TMCO4: variants seen among roughly 807,000 people sequenced by gnomAD.
TMCO4 encodes the protein transmembrane and coiled-coil domains 4.
Under a neutral mutation model 64.7 loss-of-function variants are expected in TMCO4, and 58 were observed. That is an observed-to-expected ratio of 0.90 (90% CI 0.73 to 1.12). TMCO4 has a LOEUF of 1.12. Ranked by LOEUF, TMCO4 falls within the 50% of genes most tolerant of loss-of-function variation. The probability of loss-of-function intolerance (pLI) is 0.00; values close to 1 mark genes in which losing one functional copy is unlikely to be tolerated. For missense variants in TMCO4, 780 were observed against 825.9 expected (o/e 0.94, Z 0.68); for synonymous variants, 325 against 346.1 (o/e 0.94, Z 0.68).
At chr1:19,737,579 A>T (rs2095461065) in intron 12 of TMCO4, 123 bp from the exon 13 acceptor site, 1 of 813,264 alleles carries the variant, frequency 1.2e-6, no homozygotes, top group Admixed American at 2.2e-5. Context: ...TGAATCATGC[A>T]TGTGCTGTTC....
chr1:19,745,812 T>G (rs72658511), intron 9 of TMCO4, among the ~76,000 whole-genome samples, 161 bp from the exon 10 acceptor site: 3 of 152,198 alleles, frequency 2.0e-5, no homozygotes, highest in African/African-American at 7.2e-5. Context: ...TAGGTGCCAC[T>G]ATTGTCCCTG....
chr1:19,741,525 G>A (rs1251663859), intron 10 of TMCO4, among the ~76,000 whole-genome samples: 1 of 152,058 alleles, frequency 6.6e-6, no homozygotes, highest in African/African-American at 2.4e-5. Context: ...TTCTCACTGA[G>A]GAAATATATC....
intron 11 of TMCO4, among the ~76,000 whole-genome samples, chr1:19,740,240 AC>A (rs1278088646): frequency 6.6e-6 from 1 of 151,996 alleles, no homozygotes; most frequent in Non-Finnish European, 1.5e-5. Context: ...TGCAGTGGGG[AC>A]CCCTGCCCTG....
At chr1:19,701,643 C>T (rs2095272991) in intron 13 of TMCO4, among the ~76,000 whole-genome samples, 1 of 152,076 alleles carries the variant, frequency 6.6e-6, no homozygotes, top group African/African-American at 2.4e-5. Flanking sequence ...ACTAACGGGC[C>T]CCGCATCATC....
In TMCO4 at chr1:19,740,763, G is replaced by C. The variant is rs774092778; in HGVS notation, c.1042+14C>G. On this transcript the variant is annotated intron_variant, in intron 11 of 15. Transcript: ENST00000294543. ...TGGGCATGCTGTTGTTGGGGGGCAGGTGGGGGCACTTACCAGACAACACTG... is the reference window on the plus strand; with the variant it reads ...TGGGCATGCTGTTGTTGGGGGGCAGCTGGGGGCACTTACCAGACAACACTG... 9 of 1,601,150 alleles carry C rather than the reference G, an allele frequency of 5.6e-6. No homozygotes were observed. In the South Asian group the frequency reaches 1.0e-4, roughly 18 times the overall value.
At chr1:19,746,244 C>G (rs2041775028) in intron 9 of TMCO4, among the ~76,000 whole-genome samples, 2 of 152,184 alleles carry the variant, frequency 1.3e-5, no homozygotes, top group Non-Finnish European at 2.9e-5. Flanking sequence ...GAACTACACA[C>G]AAGGTGCATG....
At chr1:19,798,861 T>G in intron 1 of TMCO4, among the ~76,000 whole-genome samples, 1 of 152,242 alleles carries the variant, frequency 6.6e-6, no homozygotes, top group East Asian at 1.9e-4. Flanking sequence ...GCTCAACAAA[T>G]ATTTGGTGAA....
intron 15 of TMCO4, among the ~76,000 whole-genome samples, chr1:19,688,971 T>C (rs2100537743): frequency 6.6e-6 from 1 of 152,304 alleles, no homozygotes; most frequent in African/African-American, 2.4e-5. Context: ...ACTGTAACCT[T>C]GTCCCTGTGA....
intron 2 of TMCO4, 123 bp from the exon 3 acceptor site, chr1:19,787,240 C>T (rs2043792547): frequency 1.3e-5 from 2 of 152,318 alleles, no homozygotes; most frequent in South Asian, 4.1e-4. Context: ...TGCACCGTCG[C>T]TCCCCTGGGC....
intron 13 of TMCO4, among the ~76,000 whole-genome samples, chr1:19,722,867 G>A (rs551504945): frequency 6.6e-6 from 1 of 152,238 alleles, no homozygotes; most frequent in South Asian, 2.1e-4. Flanking sequence ...GTGATCCTCA[G>A]CCTCTCCTCC....
intron 15 of TMCO4, among the ~76,000 whole-genome samples, chr1:19,685,887 G>T (rs1421685477): frequency 6.6e-6 from 1 of 151,824 alleles, no homozygotes; most frequent in African/African-American, 2.4e-5. Flanking sequence ...TACCATGCCC[G>T]GCTAATTTTT....
At chr1:19,718,903 C>T (rs2095369229) in intron 13 of TMCO4, among the ~76,000 whole-genome samples, 1 of 152,106 alleles carries the variant, frequency 6.6e-6, no homozygotes, top group South Asian at 2.1e-4. Context: ...GCTCCCTGAG[C>T]CTGAGATCCA....
At chr1:19,798,662 C>T (rs1026646365) in intron 1 of TMCO4, among the ~76,000 whole-genome samples, 8 of 152,180 alleles carry the variant, frequency 5.3e-5, no homozygotes, top group Non-Finnish European at 8.8e-5. Context: ...ACTCTAATAC[C>T]GATCTCTTCT....
intron 7 of TMCO4, among the ~76,000 whole-genome samples, chr1:19,751,762 T>C (rs903218008): frequency 1.3e-5 from 2 of 152,094 alleles, no homozygotes; most frequent in African/African-American, 4.8e-5. Flanking sequence ...AATAATTGTT[T>C]TGGGGGCCGG....
Position 19,710,867 on chromosome 1 carries a change from G to A in TMCO4, c.1265-9982C>T, listed in dbSNP as rs147071200. Among the ~76,000 whole-genome samples, 875 of 152,282 alleles carry A rather than the reference G, an allele frequency of 5.7e-3. 8 individuals carry two copies. Among genetic ancestry groups the A allele is most frequent in the African/African-American group, 0.02 (827 of 41,552 alleles). On this transcript the variant is annotated intron_variant, in intron 13 of 15. Transcript: ENST00000294543. ...GATTAATATCCCGATGTATAGACCC[G>A]GCCAAGAGCATGTGGCCTTTTGCTT...
intron 15 of TMCO4, among the ~76,000 whole-genome samples, chr1:19,685,220 G>A (rs2095136888): frequency 6.6e-6 from 1 of 152,170 alleles, no homozygotes; most frequent in South Asian, 2.1e-4. Context: ...CAGTGACTAT[G>A]TAGGCTGGGG....
chr1:19,713,327 G>A (rs6704156), intron 13 of TMCO4, among the ~76,000 whole-genome samples: 119,590 of 152,050 alleles, frequency 0.79, 47,270 homozygotes, highest in East Asian at 0.85. Flanking sequence ...CTCATGTGTA[G>A]TGGGCAACAG....
chr1:19,744,672 G>A (rs530170484), intron 10 of TMCO4, among the ~76,000 whole-genome samples: 14 of 152,186 alleles, frequency 9.2e-5, no homozygotes, highest in Admixed American at 7.8e-4. Flanking sequence ...CTTTCAAACC[G>A]CTGGGCCTTT....
chr1:19,744,148 C>CA (rs1317557074), intron 10 of TMCO4, among the ~76,000 whole-genome samples: 1 of 152,092 alleles, frequency 6.6e-6, no homozygotes, highest in Non-Finnish European at 1.5e-5. Context: ...CCTGAGTGGT[C>CA]AGGTTGGGAC....
Sources: allele counts gnomAD v4.1 joint callset (sites outside exome capture counted in the v4.1 genomes callset), GRCh38; gene constraint gnomAD v4.1.1; transcripts MANE v1.5; gene names NCBI Gene and HGNC (gene_info 2026-07-23, HGNC 2026-07-21).